RNF8: variants seen among roughly 807,000 people sequenced by gnomAD.
RNF8 encodes the protein E3 ubiquitin-protein ligase RNF8.
RNF8 carries 8 observed loss-of-function variants against 59.3 expected under a neutral mutation model. The observed-to-expected ratio is 0.13, with a 90% confidence interval of 0.08 to 0.24. The LOEUF is 0.24. Ranked by LOEUF, RNF8 falls within the 10% of genes least tolerant of loss-of-function variation. The pLI, the probability that RNF8 is intolerant of heterozygous loss-of-function variation, is 1.00. For synonymous variants in RNF8, 162 were observed against 200.0 expected, an observed-to-expected ratio of 0.81 and a Z score of 1.60; for missense variants, 406 against 572.6, an observed-to-expected ratio of 0.71 and a Z score of 2.97.
chr6:37,376,858 C>T, intron 5 of RNF8, 68 bp from the exon 6 acceptor site: 1 of 946,378 alleles, frequency 1.1e-6, no homozygotes, highest in Non-Finnish European at 1.7e-6. Flanking sequence ...ATAATTGACC[C>T]TGCTCCCTGT....
chr6:37,389,886 A>G (rs1360162694), intron 7 of RNF8, among the ~76,000 whole-genome samples: 2 of 152,238 alleles, frequency 1.3e-5, no homozygotes, highest in African/African-American at 4.8e-5. Context: ...AAGGCTACCC[A>G]GAAGTGGGAG....
Position 37,371,568 on chromosome 6 carries a change from G to A in RNF8, c.1032G>A (p.Leu344=), listed in dbSNP as rs1769806231. Residue 344 remains leucine, a synonymous_variant, in exon 4 of 8, where the codon CTG becomes CTA. Transcript: ENST00000373479. ...TGAAGCAACAGCTGGCCCAGGCTCT[G>A]CAGGAGGTAACTTTGCCATAGTACT... ...KDLKQQLAQA[L]QEHWALMEEL... The A allele has an allele frequency of 6.2e-7, 1 of 1,613,786 alleles. No homozygotes were observed. The highest frequency in any genetic ancestry group is 8.5e-7 in the Non-Finnish European group (1 of 1,179,890).
intron 2 of RNF8, among the ~76,000 whole-genome samples, chr6:37,364,861 C>T (rs1371835623): frequency 6.6e-6 from 1 of 152,146 alleles, no homozygotes; most frequent in Non-Finnish European, 1.5e-5. Context: ...CCTCTGCCTC[C>T]CGGGTTCAAG....
Position 37,369,154 on chromosome 6 carries a change from C to T in RNF8, c.911C>T (p.Ala304Val). ...DLQSQLCAEQ[A>V]QQQARVEQLE... is the part of the protein sequence containing the mutation. Reference sequence around the variant, plus strand: ...CAGTCCCAGCTGTGTGCAGAGCAGGCTCAGCAGCAGGCAAGAGTGGAGCAA... The same window carrying T: ...CAGTCCCAGCTGTGTGCAGAGCAGGTTCAGCAGCAGGCAAGAGTGGAGCAA... The change falls in exon 3 of 8, where the codon GCT becomes GTT. Residue 304 changes from alanine to valine, a missense_variant. By Grantham distance (64) the Ala-to-Val change is moderately conservative (BLOSUM62 0). Coordinates refer to ENST00000373479, the MANE Select transcript of RNF8 (RefSeq NM_003958.4). The T allele has an allele frequency of 6.2e-7, 1 of 1,614,080 alleles. No homozygotes were observed. Among genetic ancestry groups the T allele is most frequent in the South Asian group, 1.1e-5 (1 of 91,070 alleles).
rs1769271541 is a variant in RNF8, at chr6:37,360,450, C to T, written c.116C>T (p.Thr39Ile). 1 of 1,613,768 alleles carries T rather than the reference C, an allele frequency of 6.2e-7. No individual in the cohort carries two copies. Among genetic ancestry groups the T allele is most frequent in the Non-Finnish European group, 8.5e-7 (1 of 1,179,824 alleles). ...TGCATTGTTGTTGTCTCCCAGGTGACTGTAGGACGAGGATTTGGTGTCACA... is the reference window on the plus strand; with the variant it reads ...TGCATTGTTGTTGTCTCCCAGGTGATTGTAGGACGAGGATTTGGTGTCACA... ...WLLLEDGCEV[T>I]VGRGFGVTYQ... is the part of the protein sequence containing the mutation. Residue 39 changes from threonine to isoleucine, a missense_variant, in exon 2 of 8, where the codon ACT (threonine) becomes ATT (isoleucine). Thr to Ile is a moderately conservative substitution (Grantham distance 89). Transcript: ENST00000373479. The surrounding 1 kb of genome is among the most constrained non-coding windows in gnomAD (Gnocchi z 4.2).
intron 2 of RNF8, among the ~76,000 whole-genome samples, chr6:37,365,145 T>C (rs1769497358): frequency 6.6e-6 from 1 of 152,172 alleles, no homozygotes; most frequent in South Asian, 2.1e-4. Context: ...GCTCCACCCC[T>C]ACTACCTTCA....
At chr6:37,362,907 C>G (rs1043165910) in intron 2 of RNF8, among the ~76,000 whole-genome samples, 2 of 152,204 alleles carry the variant, frequency 1.3e-5, no homozygotes, top group Non-Finnish European at 2.9e-5. Context: ...ACAGCTAAGT[C>G]TGCACACAGT....
chr6:37,357,808 C>A lies in RNF8; in HGVS notation c.112-2638C>A, dbSNP rs184926070. On this transcript the variant is annotated intron_variant, in intron 1 of 7. Coordinates refer to ENST00000373479, the MANE Select transcript of RNF8 (RefSeq NM_003958.4). ...AACACCCACCCTAAAATCTTGAGGA[C>A]TCATATGCAAGACCTCTTTATTCTT... 1.7e-3 allele frequency among the ~76,000 whole-genome samples: 261 copies of A among 152,324 alleles called. 1 individual carries two copies. Among genetic ancestry groups the A allele is most frequent in the African/African-American group, 5.8e-3 (240 of 41,568 alleles).
At chr6:37,374,857 T>C in intron 5 of RNF8, 148 bp downstream of exon 5, 1 of 615,708 alleles carries the variant, frequency 1.6e-6, no homozygotes, top group Non-Finnish European at 2.9e-6. Flanking sequence ...TATAGAGGCC[T>C]ATAGCAGGTT....
At chr6:37,388,909 G>A (rs1220005634) in intron 7 of RNF8, among the ~76,000 whole-genome samples, 1 of 150,504 alleles carries the variant, frequency 6.6e-6, no homozygotes, top group Admixed American at 6.6e-5. Context: ...CTCCAGCCTG[G>A]GCAAAAGAGC....
intron 4 of RNF8, 29 bp downstream of exon 4, chr6:37,371,603 G>C: frequency 1.3e-6 from 2 of 1,594,440 alleles, no homozygotes; most frequent in South Asian, 2.2e-5. Flanking sequence ...TAAGATTATA[G>C]TGGGCTGTGG....
intron 1 of RNF8, among the ~76,000 whole-genome samples, chr6:37,355,167 G>A (rs1452184462): frequency 6.6e-6 from 1 of 152,184 alleles, no homozygotes; most frequent in Non-Finnish European, 1.5e-5. Context: ...GAAAAGACGA[G>A]GGAAGGGAGG....
At chr6:37,374,497 G>A in intron 4 of RNF8, 123 bp from the exon 5 acceptor site, 5 of 666,388 alleles carry the variant, frequency 7.5e-6, no homozygotes, top group Non-Finnish European at 1.0e-5. Context: ...TTTTGAAATT[G>A]CCAATTTATC....
intron 7 of RNF8, 152 bp downstream of exon 7, chr6:37,381,506 A>G (rs1168144660): frequency 4.4e-6 from 3 of 688,112 alleles, no homozygotes; most frequent in East Asian, 2.7e-5. Context: ...GGAGTTAAAG[A>G]TAATGCAGGA....
intron 3 of RNF8, chr6:37,369,918 G>T (rs1019997700): frequency 6.6e-6 from 1 of 152,194 alleles, no homozygotes; most frequent in Non-Finnish European, 1.5e-5. Context: ...AAGACCAAAT[G>T]TATTTCCATC....
intron 1 of RNF8, chr6:37,359,109 A>C (rs1489079364): frequency 9.7e-6 from 4 of 411,278 alleles, no homozygotes. Flanking sequence ...AACAAAAAAA[A>C]ATTAACAAAC....
At position 37,368,863 on chromosome 6, in the gene RNF8, T is replaced by C. The variant is rs1483433525; in HGVS notation, c.620T>C (p.Leu207Ser). 4 of 1,613,996 alleles carry C rather than the reference T, an allele frequency of 2.5e-6. No individual in the cohort carries two copies. The highest frequency in any genetic ancestry group is 3.4e-6 in the Non-Finnish European group (4 of 1,180,010). ...STPSDNLDPKLTALEPSKTTG... is the reference protein window; with the variant it reads ...STPSDNLDPKSTALEPSKTTG... Reference sequence around the variant, plus strand: ...CCCTCTGACAATTTGGATCCTAAGTTGACTGCCCTTGAGCCAAGTAAGACC... The same window carrying C: ...CCCTCTGACAATTTGGATCCTAAGTCGACTGCCCTTGAGCCAAGTAAGACC... Residue 207 changes from leucine to serine, a missense_variant, in exon 3 of 8, where the codon TTG (leucine) becomes TCG (serine). Transcript: ENST00000373479.
At chr6:37,372,191 T>G (rs1769837255) in intron 4 of RNF8, among the ~76,000 whole-genome samples, 1 of 152,256 alleles carries the variant, frequency 6.6e-6, no homozygotes, top group South Asian at 2.1e-4. Context: ...GTCTTCTACC[T>G]TTTATGTATT....
Position 37,391,105 on chromosome 6 carries a change from A to G in RNF8, c.*347A>G. On this transcript the variant is annotated 3_prime_UTR_variant, in exon 8 of 8. Transcript: ENST00000373479. ...ATACCTCGGAAACACCTCCGTTGAC[A>G]GTTGTTTTGGATAGGTTGGGTGTAC... 2.2e-6 allele frequency: 1 copy of G among 452,546 alleles called. No homozygotes were observed. 28.0% of individuals were successfully genotyped at this position (452,546 alleles called of 1,614,324 possible).
Sources: allele counts gnomAD v4.1 joint callset (sites outside exome capture counted in the v4.1 genomes callset), GRCh38; gene constraint gnomAD v4.1.1; non-coding constraint Gnocchi (gnomAD v3.1); transcripts MANE v1.5; gene names NCBI Gene and HGNC (gene_info 2026-07-23, HGNC 2026-07-21).